The following UBAP2 variants were observed in gnomAD, a reference collection of about 807,000 sequenced individuals.
The protein encoded by UBAP2 is ubiquitin associated protein 2.
A neutral mutation model predicts 139.6 loss-of-function variants in UBAP2; 75 were observed. The observed-to-expected ratio is 0.54, with a 90% CI of 0.45 to 0.65. The LOEUF (loss-of-function observed/expected upper bound fraction) is 0.65. Ranked by LOEUF, UBAP2 falls within the 30% of genes least tolerant of loss-of-function variation. UBAP2 has a pLI of 0.00. For synonymous variants in UBAP2, 526 were observed against 526.2 expected (o/e 1.00, Z 0.01); for missense variants, 1,368 against 1,369.6 (o/e 1.00, Z 0.02).
chr9:33,944,272 T>C, intron 14 of UBAP2, 93 bp downstream of exon 14: 1 of 1,508,432 alleles, frequency 6.6e-7, no homozygotes, highest in Non-Finnish European at 9.0e-7. Flanking sequence ...TGAAAAACAC[T>C]GTACCCCAGT....
chr9:33,979,102 A>G (rs1311084531), intron 6 of UBAP2, among the ~76,000 whole-genome samples: 1 of 152,046 alleles, frequency 6.6e-6, no homozygotes, highest in East Asian at 1.9e-4. Context: ...GGGCATTGTG[A>G]TGTGCACCTG....
intron 6 of UBAP2, among the ~76,000 whole-genome samples, chr9:33,986,256 G>A (rs1246849575): frequency 1.3e-5 from 2 of 151,908 alleles, no homozygotes; most frequent in Non-Finnish European, 2.9e-5. Flanking sequence ...GTTTCCTTGT[G>A]TTAGCCAGGC....
chr9:34,008,004 T>G (rs1823387029), intron 2 of UBAP2, among the ~76,000 whole-genome samples: 2 of 152,072 alleles, frequency 1.3e-5, no homozygotes, highest in South Asian at 4.2e-4. Flanking sequence ...ACCGTCCTAG[T>G]GACCAATTAT....
rs577210863 is a variant in UBAP2 at position 33,921,848 on chromosome 9, T to A, written c.*656A>T. On this transcript the variant is annotated 3_prime_UTR_variant, in exon 29 of 29. Coordinates refer to ENST00000379238, the MANE Select transcript of UBAP2 (RefSeq NM_001370062.2). The stretch of plus-strand genomic sequence containing the variant: ...GACTGGCTGAATAACTCAGATTATT[T>A]TTTTTTTTTTCATGGTCAGCCAGTC... 3.0e-4 allele frequency: 46 copies of A among 151,500 alleles called. No individual in the cohort carries two copies. The highest frequency in any genetic ancestry group is 8.3e-4 in the South Asian group (4 of 4,800). 9.4% of individuals were successfully genotyped at this position (151,500 alleles called of 1,614,324 possible).
At position 34,040,159 on chromosome 9, in the gene UBAP2, C is replaced by CA. The variant is rs113799738; in HGVS notation, c.-42+8665dup. The stretch of plus-strand genomic sequence containing the variant: ...GGGCGACAAGGGCTAGACTCCGTCT[C>CA]AAAAAAAAAAAAAAATTAGCCAGGT... On this transcript the variant is annotated intron_variant, in intron 1 of 28. Coordinates refer to ENST00000379238, the MANE Select transcript of UBAP2 (RefSeq NM_001370062.2). 9.2e-3 allele frequency among the ~76,000 whole-genome samples: 1,136 copies of CA among 123,180 alleles called. 15 individuals carry two copies. Among genetic ancestry groups the CA allele is most frequent in the African/African-American group, 0.028 (936 of 33,492 alleles). The allele number at this position is 123,180 out of a possible 152,430, so 80.8% of individuals were successfully genotyped here. A position where few individuals can be genotyped will look rare whatever the true frequency, so the allele number is the denominator to read the frequency against.
intron 2 of UBAP2, among the ~76,000 whole-genome samples, chr9:34,009,673 T>C (rs1315216679): frequency 6.6e-6 from 1 of 152,112 alleles, no homozygotes; most frequent in East Asian, 1.9e-4. Flanking sequence ...TTACTCAGGC[T>C]GGTCTCGAAC....
intron 13 of UBAP2, among the ~76,000 whole-genome samples, chr9:33,945,608 C>T (rs924211566): frequency 3.9e-5 from 6 of 152,134 alleles, no homozygotes; most frequent in Non-Finnish European, 2.9e-5. Context: ...ACACTGTACC[C>T]GGTTTTCCTG....
intron 12 of UBAP2, chr9:33,948,890 C>T (rs1825861688): frequency 3.7e-6 from 1 of 273,650 alleles, no homozygotes; most frequent in African/African-American, 2.2e-5. Context: ...TGGCTCACGC[C>T]TGTAATCCCA....
rs1244016229 is a variant in UBAP2, at chr9:33,944,645, A to T, written c.1271-6T>A. On this transcript the variant is annotated splice_region_variant and splice_polypyrimidine_tract_variant and intron_variant, in intron 13 of 28. Coordinates refer to ENST00000379238, the MANE Select transcript of UBAP2 (RefSeq NM_001370062.2). ...CTCAGGTTGAGATTTGAAGTCTAAA[A>T]AAAGTAAGCAGCAATTAATGAGGCA... The T allele has an allele frequency of 1.9e-6, 3 of 1,610,308 alleles. No individual in the cohort carries two copies. The African/African-American group carries it at 4.0e-5, about 22-fold the overall frequency.
At chr9:33,935,696 G>A (rs764217423) in intron 17 of UBAP2, 143 bp downstream of exon 17, 7 of 877,966 alleles carry the variant, frequency 8.0e-6, no homozygotes, top group Non-Finnish European at 1.3e-5. Context: ...GCCAACACCT[G>A]GTCCAAAAAC....
intron 6 of UBAP2, among the ~76,000 whole-genome samples, chr9:33,977,977 T>C (rs1041512412): frequency 5.7e-5 from 8 of 140,308 alleles, no homozygotes; most frequent in African/African-American, 2.1e-4. Context: ...ATCGCACCAC[T>C]GCACTCCAGC....
At chr9:34,042,190 G>T (rs1689021342) in intron 1 of UBAP2, among the ~76,000 whole-genome samples, 1 of 151,820 alleles carries the variant, frequency 6.6e-6, no homozygotes, top group African/African-American at 2.4e-5. Context: ...TTGTAAAAAA[G>T]TAACAGTAGG....
At chr9:34,041,464 CAA>C (rs1226126055) in intron 1 of UBAP2, among the ~76,000 whole-genome samples, 2 of 82,482 alleles carry the variant, frequency 2.4e-5, no homozygotes, top group Admixed American at 2.9e-4. Flanking sequence ...AACTCCATCT[CAA>C]AAAAAAAAAA....
chr9:33,980,443 G>T lies in UBAP2; in HGVS notation c.520+6317C>A, dbSNP rs181592400. Reference sequence around the variant, plus strand: ...TTTTTAGTAGAGACAGGGTTTCACCGTGTTAGCCAGGGTGGTCTCGATCTC... The same window carrying T: ...TTTTTAGTAGAGACAGGGTTTCACCTTGTTAGCCAGGGTGGTCTCGATCTC... On this transcript the variant is annotated intron_variant, in intron 6 of 28. Coordinates refer to ENST00000379238, the MANE Select transcript of UBAP2 (RefSeq NM_001370062.2). 2.0e-5 allele frequency among the ~76,000 whole-genome samples: 3 copies of T among 149,720 alleles called. No homozygotes were observed. In the South Asian group the frequency reaches 6.4e-4, roughly 32 times the overall value.
chr9:33,940,660 T>G (rs1340371246), intron 16 of UBAP2, among the ~76,000 whole-genome samples: 2 of 152,134 alleles, frequency 1.3e-5, no homozygotes, highest in African/African-American at 4.8e-5. Flanking sequence ...ATGTCTGTAG[T>G]CCCAGCTCTT....
chr9:33,993,684 C>T (rs1256908574), intron 4 of UBAP2, among the ~76,000 whole-genome samples: 2 of 152,086 alleles, frequency 1.3e-5, no homozygotes, highest in African/African-American at 4.8e-5. Flanking sequence ...ACCCAAAACA[C>T]CAAACAACTA....
chr9:34,005,691 T>C (rs535825496), intron 2 of UBAP2, among the ~76,000 whole-genome samples: 1 of 151,888 alleles, frequency 6.6e-6, no homozygotes, highest in East Asian at 1.9e-4. Flanking sequence ...TAAATAGGAA[T>C]GGGAGAAAAG....
chr9:33,954,745 CA>C (rs1826409346), intron 11 of UBAP2, among the ~76,000 whole-genome samples: 1 of 152,150 alleles, frequency 6.6e-6, no homozygotes. Context: ...AGAATATGTG[CA>C]TTTAACAACA....
intron 16 of UBAP2, among the ~76,000 whole-genome samples, chr9:33,941,423 T>C (rs534061617): frequency 3.9e-5 from 6 of 152,202 alleles, no homozygotes; most frequent in Non-Finnish European, 8.8e-5. Context: ...ACACGCATGC[T>C]TGGTTTTCTC....
Sources: gnomAD v4.1 joint callset for allele counts (sites outside exome capture counted in the v4.1 genomes callset) on GRCh38, gnomAD v4.1.1 for gene constraint, MANE v1.5 for transcripts, NCBI Gene and HGNC (gene_info 2026-07-23, HGNC 2026-07-21) for gene names.